The following FSD2 variants were observed in gnomAD, a reference collection of about 807,000 sequenced individuals.
FSD2 encodes the protein fibronectin type III and SPRY domain containing 2, also known as fibronectin type III and SPRY domain-containing protein 2.
Under a neutral mutation model 80.4 loss-of-function variants are expected in FSD2, and 71 were observed. The observed-to-expected ratio is 0.88, with a 90% CI of 0.73 to 1.08. The LOEUF is 1.08. Ranked by LOEUF, FSD2 falls within the 50% of genes least tolerant of loss-of-function variation. The pLI, the probability that FSD2 is intolerant of heterozygous loss-of-function variation, is 0.00. For synonymous variants in FSD2, 361 were observed against 329.5 expected, an observed-to-expected ratio of 1.10 and a Z score of -1.03; for missense variants, 923 against 913.8, an observed-to-expected ratio of 1.01 and a Z score of -0.13.
At chr15:82,769,623 G>C (rs980647898) in intron 8 of FSD2, 127 bp downstream of exon 8, 2 of 1,192,238 alleles carry the variant, frequency 1.7e-6, no homozygotes. Context: ...TTAAATAAAA[G>C]AAAAAAATGT....
rs1233121110 is a variant in FSD2, at chr15:82,786,811, A to G, written c.580T>C (p.Phe194Leu). Reference protein sequence around the residue: ...KTPIRAFQKVFDEHKEHEVIP... With the variant: ...KTPIRAFQKVLDEHKEHEVIP... ...ACTTCATGCTCCTTATGTTCATCAA[A>G]AACCTTCTGAAAAGCTCTTATTGGA... Residue 194 changes from phenylalanine to leucine, a missense_variant, in exon 2 of 13, where the codon TTT (phenylalanine) becomes CTT (leucine). Coordinates refer to ENST00000334574, the MANE Select transcript of FSD2 (RefSeq NM_001007122.4). 1.9e-6 allele frequency: 3 copies of G among 1,614,046 alleles called. No homozygotes were observed. Among genetic ancestry groups the G allele is most frequent in the East Asian group, 2.2e-5 (1 of 44,882 alleles).
chr15:82,783,008 T>A lies in FSD2; in HGVS notation c.753A>T (p.Gln251His). 1 of 1,611,882 alleles carries A rather than the reference T, an allele frequency of 6.2e-7. No individual in the cohort carries two copies. The highest frequency in any genetic ancestry group is 8.5e-7 in the Non-Finnish European group (1 of 1,179,334). ...TGTAATGTGACTCAAAGTTTTGTTC[T>A]TGTTTTCCAAAATTCTCCTGCAAGA... is the stretch of plus-strand genomic sequence containing the variant. ...FITVEENFGK[Q>H]EQNFESHYNE... The change falls in exon 4 of 13, where the codon CAA (glutamine) becomes CAT (histidine). Residue 251 changes from glutamine (Q) to histidine (H), a missense_variant. Coordinates refer to ENST00000334574, the MANE Select transcript of FSD2 (RefSeq NM_001007122.4).
intron 10 of FSD2, 130 bp downstream of exon 10, chr15:82,765,765 CCTT>C (rs2049401687): frequency 8.8e-7 from 1 of 1,140,868 alleles, no homozygotes; most frequent in Non-Finnish European, 1.2e-6. Flanking sequence ...CCCCTGAACT[CCTT>C]CTGGCCTGAC....
intron 11 of FSD2, among the ~76,000 whole-genome samples, chr15:82,763,146 CTTG>C (rs776662493): frequency 6.6e-5 from 10 of 152,212 alleles, no homozygotes; most frequent in South Asian, 2.1e-4. Flanking sequence ...CACATTTCCA[CTTG>C]TTGTTTCAAA....
At chr15:82,793,420 G>A (rs1325175605) in intron 1 of FSD2, among the ~76,000 whole-genome samples, 1 of 151,924 alleles carries the variant, frequency 6.6e-6, no homozygotes, top group African/African-American at 2.4e-5. Flanking sequence ...ACTTATACAT[G>A]TATTGTCAAG....
In FSD2 at chr15:82,787,459, T is replaced by C. The variant is rs2050031023; in HGVS notation, c.-69A>G. On this transcript the variant is annotated 5_prime_UTR_variant, in exon 2 of 13. It adds an upstream start codon to the 5' untranslated region. Coordinates refer to ENST00000334574, the MANE Select transcript of FSD2 (RefSeq NM_001007122.4). Reference sequence around the variant, plus strand: ...TCCTTCCTGGACACTTAATAGTGAATATCTGGGCCCTGGAACACAAAAGGA... The same window carrying C: ...TCCTTCCTGGACACTTAATAGTGAACATCTGGGCCCTGGAACACAAAAGGA... 1 of 1,444,928 alleles carries C rather than the reference T, an allele frequency of 6.9e-7. No homozygotes were observed. Among genetic ancestry groups the C allele is most frequent in the Non-Finnish European group, 9.3e-7 (1 of 1,073,866 alleles). 89.5% of individuals were successfully genotyped at this position (1,444,928 alleles called of 1,614,324 possible).
intron 3 of FSD2, among the ~76,000 whole-genome samples, chr15:82,785,768 AG>A (rs2049981344): frequency 6.6e-6 from 1 of 152,186 alleles, no homozygotes; most frequent in African/African-American, 2.4e-5. Context: ...TCAACATTAT[AG>A]GTACCCCCAA....
chr15:82,791,976 C>T (rs999121392), intron 1 of FSD2, among the ~76,000 whole-genome samples: 3 of 152,160 alleles, frequency 2.0e-5, no homozygotes, highest in African/African-American at 7.2e-5. Context: ...TTTGTTTGTC[C>T]ATGCATCAGT....
intron 1 of FSD2, among the ~76,000 whole-genome samples, chr15:82,787,969 G>A (rs778258403): frequency 4.6e-5 from 7 of 151,724 alleles, no homozygotes; most frequent in Non-Finnish European, 7.4e-5. Context: ...TGGTAGAGAC[G>A]GGTTTTCACT....
At chr15:82,801,238 T>G (rs1252901588) in intron 1 of FSD2, among the ~76,000 whole-genome samples, 5 of 152,224 alleles carry the variant, frequency 3.3e-5, no homozygotes, top group Non-Finnish European at 1.5e-5. Context: ...TGGATCACAG[T>G]GATGGAACCA....
At chr15:82,760,391 A>G (rs577362304) in intron 12 of FSD2, among the ~76,000 whole-genome samples, 1 of 152,194 alleles carries the variant, frequency 6.6e-6, no homozygotes, top group Non-Finnish European at 1.5e-5. Flanking sequence ...CATCCTGTGT[A>G]CTTTGAAAAA....
chr15:82,768,834 T>G, intron 9 of FSD2, 46 bp downstream of exon 9: 1 of 1,390,600 alleles, frequency 7.2e-7, no homozygotes, highest in Non-Finnish European at 9.4e-7. Context: ...TGTCACTGTA[T>G]CAGGTGTCAG....
chr15:82,784,881 T>C (rs2049958555), intron 3 of FSD2, among the ~76,000 whole-genome samples: 1 of 152,226 alleles, frequency 6.6e-6, no homozygotes, highest in East Asian at 1.9e-4. Context: ...TCTGGCATCA[T>C]AGTGGTTACC....
At chr15:82,783,131 C>T (rs968144611) in intron 3 of FSD2, 106 bp from the exon 4 acceptor site, 1 of 787,570 alleles carries the variant, frequency 1.3e-6, no homozygotes, top group East Asian at 2.5e-5. Flanking sequence ...CACAGTCTTG[C>T]AGTGTTGCCC....
chr15:82,769,118 CCTT>C (rs1161516449), intron 8 of FSD2, 88 bp from the exon 9 acceptor site: 1 of 1,176,780 alleles, frequency 8.5e-7, no homozygotes, highest in Non-Finnish European at 1.1e-6. Flanking sequence ...ATCACAGCCA[CCTT>C]CTTCCTCCCA....
intron 4 of FSD2, among the ~76,000 whole-genome samples, chr15:82,780,642 T>G (rs1298098955): frequency 6.6e-6 from 1 of 151,876 alleles, no homozygotes; most frequent in Non-Finnish European, 1.5e-5. Context: ...TGGAAATAAA[T>G]TTCTTTTACC....
intron 3 of FSD2, 101 bp downstream of exon 3, chr15:82,786,410 C>T (rs1329178336): frequency 1.1e-6 from 1 of 906,430 alleles, no homozygotes. Context: ...CCCTCACATT[C>T]TAAGAAAACA....
At position 82,804,305 on chromosome 15, in the gene FSD2, T is replaced by C. The variant is rs79294268; in HGVS notation, c.-79+1661A>G. Reference sequence around the variant, plus strand: ...AGGCAGAGATATGGTATTCTAGGGATGGAGGTCCCTTGGAGAGCATCTAAT... The same window carrying C: ...AGGCAGAGATATGGTATTCTAGGGACGGAGGTCCCTTGGAGAGCATCTAAT... On this transcript the variant is annotated intron_variant, in intron 1 of 12. Transcript: ENST00000334574. Among the ~76,000 whole-genome samples, 916 of 152,258 alleles carry C rather than the reference T, an allele frequency of 6.0e-3. 6 individuals are homozygous for C. Among genetic ancestry groups the C allele is most frequent in the Admixed American group, 0.012 (176 of 15,292 alleles).
In FSD2 at chr15:82,786,792, T is replaced by C. The variant is rs1387227680; in HGVS notation, c.599A>G (p.His200Arg). Residue 200 changes from histidine (H) to arginine (R), a missense_variant, in exon 2 of 13, where the codon CAT (histidine) becomes CGT (arginine). Transcript: ENST00000334574. ...FQKVFDEHKE[H>R]EVIPLNEALE... ...TGCTTCATTGAGTGGGATCACTTCA[T>C]GCTCCTTATGTTCATCAAAAACCTT... The C allele has an allele frequency of 6.2e-7, 1 of 1,614,064 alleles. No homozygotes were observed.
Sources: gnomAD v4.1 joint callset for allele counts (sites outside exome capture counted in the v4.1 genomes callset) on GRCh38, gnomAD v4.1.1 for gene constraint, MANE v1.5 for transcripts, NCBI Gene and HGNC (gene_info 2026-07-23, HGNC 2026-07-21) for gene names.